The following DCDC2C variants were observed in gnomAD, a reference collection of about 807,000 sequenced individuals.
The protein encoded by DCDC2C is doublecortin domain-containing protein 2C.
DCDC2C carries 44 observed loss-of-function variants against 45.0 expected under a neutral mutation model. That is an observed-to-expected ratio of 0.98 (90% CI 0.77 to 1.26). DCDC2C has a LOEUF of 1.26. DCDC2C is among the 50% of genes most tolerant of loss of function. The pLI is 0.00. For synonymous variants in DCDC2C, 187 were observed against 178.8 expected (o/e 1.05, Z -0.37); for missense variants, 447 against 468.9 (o/e 0.95, Z 0.43).
intron 10 of DCDC2C, among the ~76,000 whole-genome samples, chr2:3,829,226 A>G (rs1572646563): frequency 6.7e-6 from 1 of 149,596 alleles, no homozygotes; most frequent in East Asian, 2.0e-4. Context: ...GAGAATCCGG[A>G]TGCATAGCAT....
At chr2:3,782,136 GC>G (rs1315733765) in intron 9 of DCDC2C, among the ~76,000 whole-genome samples, 37 of 152,172 alleles carry the variant, frequency 2.4e-4, no homozygotes, top group East Asian at 1.4e-3. Flanking sequence ...CCCGTTCCTT[GC>G]TTTGCCTAGC....
At position 3,736,573 on chromosome 2, in the gene DCDC2C, G is replaced by A. The variant is rs551226154; in HGVS notation, c.417-5347G>A. Reference sequence around the variant, plus strand: ...GATGAGCAGAGGGGTAGGATTCTTCGCTCCTCTGGAGGGCTGAGCTGTTTC... The same window carrying A: ...GATGAGCAGAGGGGTAGGATTCTTCACTCCTCTGGAGGGCTGAGCTGTTTC... On this transcript the variant is annotated intron_variant, in intron 3 of 10. Coordinates refer to ENST00000399143, the MANE Select transcript of DCDC2C (RefSeq NM_001287444.2). Among the ~76,000 whole-genome samples the A allele has an allele frequency of 7.2e-5, 11 of 152,234 alleles. No homozygotes were observed. In the South Asian group the frequency reaches 2.1e-3, roughly 29 times the overall value.
At chr2:3,715,937 G>C (rs1668341210) in intron 2 of DCDC2C, among the ~76,000 whole-genome samples, 1 of 152,176 alleles carries the variant, frequency 6.6e-6, no homozygotes, top group African/African-American at 2.4e-5. Flanking sequence ...GGTCTTCACT[G>C]AGGAGGTGAC....
chr2:3,781,689 G>A (rs937751233), intron 9 of DCDC2C, among the ~76,000 whole-genome samples: 2 of 152,114 alleles, frequency 1.3e-5, no homozygotes, highest in Non-Finnish European at 2.9e-5. Context: ...GTGAGACCCT[G>A]TTTCTACAAA....
In DCDC2C at chr2:3,847,618, C is replaced by A. The variant is rs1409639156; in HGVS notation, c.*435C>A. On this transcript the variant is annotated 3_prime_UTR_variant, in exon 11 of 11. Transcript: ENST00000399143. ...AGTTCAAAGTATAAAAATGTTTTACCTTCTGAATAACTAGTTCAAAGTGAA... is the reference window on the plus strand; with the variant it reads ...AGTTCAAAGTATAAAAATGTTTTACATTCTGAATAACTAGTTCAAAGTGAA... Among the ~76,000 whole-genome samples, 2 of 152,102 alleles carry A rather than the reference C, an allele frequency of 1.3e-5. No homozygotes were observed. Among genetic ancestry groups the A allele is most frequent in the Non-Finnish European group, 2.9e-5 (2 of 68,020 alleles).
intron 10 of DCDC2C, among the ~76,000 whole-genome samples, chr2:3,820,627 C>T (rs538442200): frequency 5.9e-5 from 9 of 152,186 alleles, no homozygotes; most frequent in Admixed American, 2.6e-4. Context: ...TGACCGGTGC[C>T]GGAGTTTTGG....
chr2:3,824,701 CCCCCG>C (rs1228494874), intron 10 of DCDC2C, among the ~76,000 whole-genome samples: 1 of 151,988 alleles, frequency 6.6e-6, no homozygotes. Context: ...GTTTCTCTTC[CCCCCG>C]ACCCCAGAGC....
At position 3,741,274 on chromosome 2, in the gene DCDC2C, A is replaced by G. The variant is rs553284773; in HGVS notation, c.417-646A>G. On this transcript the variant is annotated intron_variant, in intron 3 of 10. Transcript: ENST00000399143. ...TTCTTTGGGAGATGATCTCGGCTCC[A>G]GAGAAAGGGAAAACAGCTACATTAT... is the stretch of plus-strand genomic sequence containing the variant. 2.2e-4 allele frequency among the ~76,000 whole-genome samples: 33 copies of G among 152,356 alleles called. No homozygotes were observed. The South Asian group carries it at 6.8e-3, about 32-fold the overall frequency.
At chr2:3,802,682 G>A (rs1458562603) in intron 10 of DCDC2C, among the ~76,000 whole-genome samples, 1 of 152,148 alleles carries the variant, frequency 6.6e-6, no homozygotes, top group East Asian at 1.9e-4. Context: ...TCTAGAAGGG[G>A]CTGATCACCT....
Position 3,746,016 on chromosome 2 carries a change from A to T in DCDC2C, c.545+3968A>T, listed in dbSNP as rs1436104337. ...ATCCAAATAGCTCAGAGAAATACTT[A>T]AGTGAAATTCTGTAGGTCTCTGTGC... On this transcript the variant is annotated intron_variant, in intron 4 of 10. Coordinates refer to ENST00000399143, the MANE Select transcript of DCDC2C (RefSeq NM_001287444.2). Among the ~76,000 whole-genome samples, 3 of 152,218 alleles carry T rather than the reference A, an allele frequency of 2.0e-5. No homozygotes were observed. In the East Asian group the frequency reaches 5.8e-4, roughly 29 times the overall value.
Position 3,723,567 on chromosome 2 carries a change from C to T in DCDC2C, c.340-3436C>T, listed in dbSNP as rs1490031420. ...GCAGCCAGTGCCAGCTTGCATGGCC[C>T]GAGGCTCAGTGTGAGGGGTAGGTAG... On this transcript the variant is annotated intron_variant, in intron 2 of 10. Coordinates refer to ENST00000399143, the MANE Select transcript of DCDC2C (RefSeq NM_001287444.2). 2.0e-5 allele frequency among the ~76,000 whole-genome samples: 3 copies of T among 152,056 alleles called. No homozygotes were observed. The East Asian group carries it at 5.8e-4, about 29-fold the overall frequency.
At chr2:3,798,991 A>C (rs1671038117) in intron 10 of DCDC2C, among the ~76,000 whole-genome samples, 1 of 152,196 alleles carries the variant, frequency 6.6e-6, no homozygotes, top group African/African-American at 2.4e-5. Flanking sequence ...CATTCTCCCC[A>C]TCACTTTCAG....
At chr2:3,830,042 C>T (rs1481118567) in intron 10 of DCDC2C, among the ~76,000 whole-genome samples, 1 of 152,102 alleles carries the variant, frequency 6.6e-6, no homozygotes, top group Admixed American at 6.5e-5. Context: ...GGAGGGCAGC[C>T]CTGGGCTGTA....
intron 6 of DCDC2C, among the ~76,000 whole-genome samples, chr2:3,762,122 G>A (rs1449665440): frequency 6.8e-6 from 1 of 146,720 alleles, no homozygotes; most frequent in Admixed American, 6.8e-5. Flanking sequence ...CCTTGTGAAA[G>A]CCATGGATTC....
intron 10 of DCDC2C, among the ~76,000 whole-genome samples, chr2:3,806,167 T>A (rs919813028): frequency 9.2e-5 from 14 of 152,170 alleles, no homozygotes; most frequent in African/African-American, 3.4e-4. Flanking sequence ...TGTTCCCTGA[T>A]GAATCGGTCA....
In DCDC2C at chr2:3,726,996, T is replaced by C. The variant is rs767003445; in HGVS notation, c.340-7T>C. On this transcript the variant is annotated splice_polypyrimidine_tract_variant and splice_region_variant and intron_variant, in intron 2 of 10. Transcript: ENST00000399143. ...TGAATTCCCAGGTGTGTTTTTTCCT[T>C]TTTCAGATCAAACCAGTGGTGCATT... 4 of 1,550,368 alleles carry C rather than the reference T, an allele frequency of 2.6e-6. No individual in the cohort carries two copies. The highest frequency in any genetic ancestry group is 3.5e-6 in the Non-Finnish European group (4 of 1,146,858).
intron 9 of DCDC2C, among the ~76,000 whole-genome samples, chr2:3,784,219 A>G (rs1670587141): frequency 6.6e-6 from 1 of 152,204 alleles, no homozygotes; most frequent in African/African-American, 2.4e-5. Flanking sequence ...ATTGAATGCT[A>G]TATTTTTATG....
At chr2:3,744,347 G>A (rs1226522223) in intron 4 of DCDC2C, among the ~76,000 whole-genome samples, 1 of 152,324 alleles carries the variant, frequency 6.6e-6, no homozygotes, top group South Asian at 2.1e-4. Flanking sequence ...GCGTCCGGCT[G>A]TTGGTGCAGA....
intron 9 of DCDC2C, among the ~76,000 whole-genome samples, chr2:3,781,928 G>A (rs551748098): frequency 2.6e-5 from 4 of 152,264 alleles, no homozygotes; most frequent in South Asian, 2.1e-4. Context: ...GATCACAAAC[G>A]TTATTTTTGT....
Sources: allele counts gnomAD v4.1 joint callset (sites outside exome capture counted in the v4.1 genomes callset), GRCh38; gene constraint gnomAD v4.1.1; transcripts MANE v1.5; gene names NCBI Gene and HGNC (gene_info 2026-07-23, HGNC 2026-07-21).